The following PTPRB variants were observed in gnomAD, a reference collection of about 807,000 sequenced individuals.
PTPRB encodes the protein receptor-type tyrosine-protein phosphatase beta.
In PTPRB, 97 loss-of-function variants were observed where a neutral mutation model predicts 238.1. The observed-to-expected ratio is 0.41, with a 90% CI of 0.35 to 0.48. The LOEUF (loss-of-function observed/expected upper bound fraction) is 0.48. Among genes scored for constraint, PTPRB ranks in the 20% least tolerant of loss-of-function variants. The probability of loss-of-function intolerance (pLI) is 0.30; values close to 1 mark genes in which losing one functional copy is unlikely to be tolerated. For synonymous variants in PTPRB, 970 were observed against 995.4 expected (o/e 0.97, Z 0.48); for missense variants, 2,292 against 2,681.9 (o/e 0.85, Z 3.21).
At chr12:70,613,959 C>T (rs1022679307) in intron 3 of PTPRB, among the ~76,000 whole-genome samples, 2 of 151,214 alleles carry the variant, frequency 1.3e-5, no homozygotes, top group Admixed American at 6.6e-5. Flanking sequence ...AAAGGAATGA[C>T]AAAGAAGAAA....
intron 14 of PTPRB, among the ~76,000 whole-genome samples, chr12:70,567,699 T>C (rs12827250): frequency 0.078 from 11,882 of 152,250 alleles, 717 homozygotes; most frequent in East Asian, 0.23. Context: ...ATCTGCAGAC[T>C]CTATCTAGCA....
At chr12:70,612,918 CAG>C (rs982185477) in intron 3 of PTPRB, among the ~76,000 whole-genome samples, 10 of 152,076 alleles carry the variant, frequency 6.6e-5, no homozygotes, top group African/African-American at 2.4e-4. Flanking sequence ...CCCCAGGACG[CAG>C]AGGTTGCCAT....
intron 3 of PTPRB, chr12:70,609,913 G>C: frequency 8.8e-7 from 1 of 1,134,212 alleles, no homozygotes. Context: ...CGCTCAGCGC[G>C]CCCCGTGGGC....
Position 70,522,862 on chromosome 12 carries a change from TC to T in PTPRB, c.6626-1352del, listed in dbSNP as rs1250804000. Among the ~76,000 whole-genome samples, 14 of 119,342 alleles carry T rather than the reference TC, an allele frequency of 1.2e-4. No individual in the cohort carries two copies. In the South Asian group the frequency reaches 2.7e-3, roughly 23 times the overall value. 78.3% of individuals were successfully genotyped at this position (119,342 alleles called of 152,430 possible). ...AAATAGCATTCTTTTGTTTGTTTTTTCTTTTTTTTTTTTTTTTTGAGATGGA... is the reference window on the plus strand; with the variant it reads ...AAATAGCATTCTTTTGTTTGTTTTTTTTTTTTTTTTTTTTTTTGAGATGGA... On this transcript the variant is annotated intron_variant, in intron 33 of 33. Transcript: ENST00000334414.
intron 23 of PTPRB, 156 bp downstream of exon 23, chr12:70,540,702 G>A: frequency 1.6e-6 from 1 of 626,252 alleles, no homozygotes; most frequent in Non-Finnish European, 2.8e-6. Context: ...AGTGAGTCAT[G>A]GCTTTAGAGT....
At chr12:70,610,001 G>C (rs1405088711) in intron 3 of PTPRB, among the ~76,000 whole-genome samples, 3 of 151,906 alleles carry the variant, frequency 2.0e-5, no homozygotes, top group Admixed American at 1.3e-4. Context: ...CTGCCGCCCC[G>C]GGCGGGCTGC....
chr12:70,537,039 C>A (rs1419760835), intron 28 of PTPRB, among the ~76,000 whole-genome samples: 2 of 152,152 alleles, frequency 1.3e-5, no homozygotes, highest in Admixed American at 6.5e-5. Context: ...AATCCCAGCA[C>A]TTTGGGAGGC....
intron 1 of PTPRB, among the ~76,000 whole-genome samples, chr12:70,636,925 A>G (rs985343692): frequency 1.3e-5 from 2 of 152,190 alleles, no homozygotes; most frequent in Non-Finnish European, 2.9e-5. Flanking sequence ...CAACTTCCAA[A>G]TAAAACACAC....
At chr12:70,541,935 T>C (rs576737921) in intron 22 of PTPRB, 7 of 152,366 alleles carry the variant, frequency 4.6e-5, no homozygotes, top group African/African-American at 1.4e-4. Context: ...CAAGTTTCTA[T>C]GTGGACATAT....
intron 8 of PTPRB, among the ~76,000 whole-genome samples, chr12:70,587,981 G>A (rs971531292): frequency 6.6e-6 from 1 of 151,092 alleles, no homozygotes; most frequent in Non-Finnish European, 1.5e-5. Context: ...CACATCTGTA[G>A]TCTCAGCGGG....
chr12:70,568,997 C>G (rs1879681285), intron 14 of PTPRB, among the ~76,000 whole-genome samples: 1 of 152,060 alleles, frequency 6.6e-6, no homozygotes, highest in Admixed American at 6.6e-5. Context: ...TTTTTTAGCT[C>G]TACCAGGTAA....
chr12:70,557,731 C>T (rs3782375), intron 18 of PTPRB, among the ~76,000 whole-genome samples: 2 of 152,062 alleles, frequency 1.3e-5, no homozygotes, highest in Non-Finnish European at 2.9e-5. Context: ...AGCCTACACA[C>T]CCTGTGCTGG....
rs1404029902 is a variant in PTPRB at position 70,569,761 on chromosome 12, C to T, written c.3548G>A (p.Arg1183Lys). 6.2e-7 allele frequency: 1 copy of T among 1,613,896 alleles called. No homozygotes were observed. The highest frequency in any genetic ancestry group is 8.5e-7 in the Non-Finnish European group (1 of 1,179,876). Residue 1183 changes from arginine to lysine, a missense_variant, in exon 14 of 34, where the codon AGA becomes AAA. This residue lies in a region of PTPRB where 683 missense variants were observed against 862.0 expected (regional missense o/e 0.79). Coordinates refer to ENST00000334414, the MANE Select transcript of PTPRB (RefSeq NM_001109754.4). ...PKHVFEHTFH[R>K]LEAGEQYQIM... ...CTGGTACTGCTCCCCGGCCTCCAGT[C>T]TGTGGAACGTGTGCTCAAAGACGTG...
At position 70,521,658 on chromosome 12, in the gene PTPRB, T is replaced by G. The variant is rs1871673295; in HGVS notation, c.6626-147A>C. The stretch of plus-strand genomic sequence containing the variant: ...TGAGACCATTCCTATTGGGACCAGG[T>G]AATTCCATTTAGAAAGACAGATTAT... On this transcript the variant is annotated intron_variant, in intron 33 of 33. Transcript: ENST00000334414. The G allele has an allele frequency of 8.6e-6, 5 of 584,662 alleles. No homozygotes were observed. The Admixed American group carries it at 1.5e-4, about 18-fold the overall frequency. The allele number at this position is 584,662 out of a possible 1,614,324, so 36.2% of individuals were successfully genotyped here.
chr12:70,541,654 C>G (rs1208299001), intron 22 of PTPRB: 3 of 141,218 alleles, frequency 2.1e-5, no homozygotes, highest in Non-Finnish European at 4.8e-5. Context: ...AACCACTAAT[C>G]TACTTTCTGT....
At position 70,548,346 on chromosome 12, in the gene PTPRB, TCACACACACACA is replaced by T. The variant is rs56848578; in HGVS notation, c.5388-3695_5388-3684del. Among the ~76,000 whole-genome samples the T allele has an allele frequency of 1.9e-3, 182 of 97,140 alleles. 1 individual carries two copies. The highest frequency in any genetic ancestry group is 2.9e-3 in the South Asian group (8 of 2,770). The allele number at this position is 97,140 out of a possible 152,430, so 63.7% of individuals were successfully genotyped here. ...CTCTCTCTCTCTCTCTCTCTCTCTC[TCACACACACACA>T]CACACACACACACACACACACACAC... On this transcript the variant is annotated intron_variant, in intron 21 of 33. Transcript: ENST00000334414.
Position 70,609,065 on chromosome 12 carries a change from T to C in PTPRB, c.979+4A>G. The C allele has an allele frequency of 6.2e-7, 1 of 1,613,854 alleles. No individual in the cohort carries two copies. Among genetic ancestry groups the C allele is most frequent in the South Asian group, 1.1e-5 (1 of 91,058 alleles). ...GCCATCCAATTGCACCTGTCATCCT[T>C]TACCTGTTTGCAAGACCACTGTTCT... On this transcript the variant is annotated splice_donor_region_variant and intron_variant, in intron 4 of 33. Transcript: ENST00000334414.
At chr12:70,556,775 A>G (rs1877745575) in intron 18 of PTPRB, among the ~76,000 whole-genome samples, 1 of 152,230 alleles carries the variant, frequency 6.6e-6, no homozygotes, top group Non-Finnish European at 1.5e-5. Flanking sequence ...CAGAGGGGGA[A>G]AAACAACTTA....
chr12:70,528,841 G>A lies in PTPRB; in HGVS notation c.6504+3194C>T, dbSNP rs745779598. Among the ~76,000 whole-genome samples the A allele has an allele frequency of 5.9e-5, 9 of 152,224 alleles. No homozygotes were observed. The South Asian group carries it at 1.9e-3, about 32-fold the overall frequency. On this transcript the variant is annotated intron_variant, in intron 32 of 33. Coordinates refer to ENST00000334414, the MANE Select transcript of PTPRB (RefSeq NM_001109754.4). ...CCCTGGCTTGGGCAAACACATGGAT[G>A]GCAATACTATTAAATGAAACTGGAA...
Sources: gnomAD v4.1 joint callset for allele counts (sites outside exome capture counted in the v4.1 genomes callset) on GRCh38, gnomAD v4.1.1 for gene constraint, gnomAD v4.1.1 regional missense constraint, MANE v1.5 for transcripts, NCBI Gene and HGNC (gene_info 2026-07-23, HGNC 2026-07-21) for gene names.